Variants in PTPRM observed in about 807,000 individuals in gnomAD.
PTPRM encodes receptor-type tyrosine-protein phosphatase mu.
A neutral mutation model predicts 186.7 loss-of-function variants in PTPRM; 47 were observed. That is an observed-to-expected ratio of 0.25 (90% CI 0.20 to 0.32). The LOEUF is 0.32. Ranked by LOEUF, PTPRM falls within the 10% of genes least tolerant of loss-of-function variation. The pLI is 1.00. For missense variants in PTPRM, 1,494 were observed against 1,865.0 expected (o/e 0.80, Z 3.66); for synonymous variants, 668 against 674.9 (o/e 0.99, Z 0.16).
chr18:7,885,072 G>A (rs982569850), intron 2 of PTPRM, among the ~76,000 whole-genome samples: 10 of 151,874 alleles, frequency 6.6e-5, no homozygotes, highest in Non-Finnish European at 4.4e-5. Context: ...TAAAAGTGCT[G>A]GCTCTCTGAA....
At chr18:8,042,018 G>A (rs76326624) in intron 7 of PTPRM, among the ~76,000 whole-genome samples, 175 of 152,314 alleles carry the variant, frequency 1.1e-3, no homozygotes, top group African/African-American at 4.0e-3. Flanking sequence ...AGTGATTACT[G>A]AATAGCTAGG....
intron 9 of PTPRM, among the ~76,000 whole-genome samples, chr18:8,079,823 A>G (rs1215465374): frequency 6.6e-6 from 1 of 152,112 alleles, no homozygotes; most frequent in Non-Finnish European, 1.5e-5. Context: ...GAAAGATACC[A>G]TGAAGGAGGT....
At position 7,998,836 on chromosome 18, in the gene PTPRM, A is replaced by G. The variant is rs917432488; in HGVS notation, c.1132+43422A>G. 3.3e-5 allele frequency among the ~76,000 whole-genome samples: 5 copies of G among 152,126 alleles called. 1 individual carries two copies. The South Asian group carries it at 1.0e-3, about 32-fold the overall frequency. On this transcript the variant is annotated intron_variant, in intron 7 of 32. Transcript: ENST00000580170. ...CGCCTGGCTAATTTCTGTATTTTTAATAGAGACAGGATTTTGCCATGCTGG... is the reference window on the plus strand; with the variant it reads ...CGCCTGGCTAATTTCTGTATTTTTAGTAGAGACAGGATTTTGCCATGCTGG...
At chr18:8,264,993 T>C (rs1410731968) in intron 19 of PTPRM, among the ~76,000 whole-genome samples, 1 of 152,220 alleles carries the variant, frequency 6.6e-6, no homozygotes, top group Non-Finnish European at 1.5e-5. Context: ...ACATGACTTC[T>C]GTATGAAACT....
Position 7,992,148 on chromosome 18 carries a change from A to C in PTPRM, c.1132+36734A>C, listed in dbSNP as rs867883542. ...TAGGAGAGGGAGTTATTATAACCTC[A>C]TTCCTGCTTCCACCAGAGCACCTGC... On this transcript the variant is annotated intron_variant, in intron 7 of 32. Coordinates refer to ENST00000580170, the MANE Select transcript of PTPRM (RefSeq NM_001105244.2). 7.9e-5 allele frequency among the ~76,000 whole-genome samples: 12 copies of C among 152,122 alleles called. No individual in the cohort carries two copies. In the South Asian group the frequency reaches 8.3e-4, roughly 10 times the overall value.
intron 2 of PTPRM, among the ~76,000 whole-genome samples, chr18:7,875,774 T>C (rs2048209607): frequency 6.6e-6 from 1 of 152,206 alleles, no homozygotes; most frequent in South Asian, 2.1e-4. Context: ...TATATACCTG[T>C]AATAAAGTCA....
At chr18:7,605,786 G>A (rs1025661120) in intron 1 of PTPRM, among the ~76,000 whole-genome samples, 9 of 152,168 alleles carry the variant, frequency 5.9e-5, no homozygotes, top group Admixed American at 1.3e-4. Flanking sequence ...GAGGTCTGCC[G>A]TGTTGTCAGC....
chr18:7,708,058 T>G (rs1461329111), intron 1 of PTPRM, among the ~76,000 whole-genome samples: 2 of 152,210 alleles, frequency 1.3e-5, no homozygotes, highest in African/African-American at 4.8e-5. Context: ...TTTACCTAGC[T>G]GCTTTATTAG....
intron 1 of PTPRM, among the ~76,000 whole-genome samples, chr18:7,737,771 T>C (rs924086680): frequency 6.6e-6 from 1 of 152,166 alleles, no homozygotes; most frequent in Non-Finnish European, 1.5e-5. Flanking sequence ...GATGAGAATC[T>C]GGCATTCTCA....
At chr18:7,795,514 T>G (rs1241497607) in intron 2 of PTPRM, among the ~76,000 whole-genome samples, 4 of 151,948 alleles carry the variant, frequency 2.6e-5, no homozygotes, top group Non-Finnish European at 1.5e-5. Flanking sequence ...GAGAAGCCAC[T>G]TTGAGACTTT....
chr18:7,845,700 A>G (rs541103732), intron 2 of PTPRM, among the ~76,000 whole-genome samples: 20 of 152,064 alleles, frequency 1.3e-4, no homozygotes, highest in Non-Finnish European at 2.6e-4. Context: ...TCGTATTTCA[A>G]TGGAGGAAAT....
chr18:7,772,891 A>G (rs1298418572), intron 1 of PTPRM, among the ~76,000 whole-genome samples: 1 of 152,202 alleles, frequency 6.6e-6, no homozygotes, highest in Non-Finnish European at 1.5e-5. Flanking sequence ...TAATATGATT[A>G]ATAGCATTAT....
At chr18:8,053,094 CTTCTA>C (rs978927738) in intron 7 of PTPRM, among the ~76,000 whole-genome samples, 11 of 152,228 alleles carry the variant, frequency 7.2e-5, no homozygotes, top group Middle Eastern at 3.4e-3. Flanking sequence ...TTGCCAATGT[CTTCTA>C]TTCTGTGCTT....
intron 19 of PTPRM, among the ~76,000 whole-genome samples, chr18:8,276,829 A>G (rs2094841465): frequency 6.6e-6 from 1 of 152,216 alleles, no homozygotes; most frequent in African/African-American, 2.4e-5. Context: ...GTGTTGGAGG[A>G]CAGGTTGGAG....
Position 7,855,299 on chromosome 18 carries a change from G to A in PTPRM, c.197-32807G>A, listed in dbSNP as rs78737901. Among the ~76,000 whole-genome samples, 427 of 152,264 alleles carry A rather than the reference G, an allele frequency of 2.8e-3. 5 individuals carry two copies. Among genetic ancestry groups the A allele is most frequent in the African/African-American group, 9.8e-3 (409 of 41,550 alleles). On this transcript the variant is annotated intron_variant, in intron 2 of 32. Transcript: ENST00000580170. ...GGCATGTAGTGATTAAGGAGACATG[G>A]TCTCACATAAAGACACCAGCATGGG...
chr18:7,680,550 C>T lies in PTPRM; in HGVS notation c.74-93599C>T, dbSNP rs560724360. Among the ~76,000 whole-genome samples the T allele has an allele frequency of 3.3e-4, 51 of 152,242 alleles. 1 individual carries two copies. The highest frequency in any genetic ancestry group is 1.1e-3 in the African/African-American group (47 of 41,554). ...TGTAAGGGATGACATTTCGGGTAGA[C>T]GTAGGAAAACCGTTTCACATGCTAC... On this transcript the variant is annotated intron_variant, in intron 1 of 32. Transcript: ENST00000580170.
intron 7 of PTPRM, among the ~76,000 whole-genome samples, chr18:8,051,317 TA>T: frequency 6.6e-6 from 1 of 152,322 alleles, no homozygotes; most frequent in African/African-American, 2.4e-5. Context: ...TAATATTTGA[TA>T]CAAACAAAAG....
At chr18:7,653,627 A>G (rs938727649) in intron 1 of PTPRM, among the ~76,000 whole-genome samples, 5 of 152,136 alleles carry the variant, frequency 3.3e-5, no homozygotes, top group Non-Finnish European at 4.4e-5. Context: ...AGCTCCATCC[A>G]CATTCCTGCA....
At chr18:7,719,200 A>C (rs1449640146) in intron 1 of PTPRM, among the ~76,000 whole-genome samples, 1 of 152,218 alleles carries the variant, frequency 6.6e-6, no homozygotes, top group Non-Finnish European at 1.5e-5. Flanking sequence ...ATACACTGGG[A>C]ATACAACTCA....
Sources: allele counts gnomAD v4.1 joint callset (sites outside exome capture counted in the v4.1 genomes callset), GRCh38; gene constraint gnomAD v4.1.1; transcripts MANE v1.5; gene names NCBI Gene and HGNC (gene_info 2026-07-23, HGNC 2026-07-21).